Variants in GSE1 observed in about 807,000 individuals in gnomAD.
GSE1 encodes genetic suppressor element 1.
GSE1 carries 32 observed loss-of-function variants against 112.6 expected under a neutral mutation model. The observed-to-expected ratio is 0.28, with a 90% CI of 0.21 to 0.38. The LOEUF is 0.38. Among genes scored for constraint, GSE1 ranks in the 10% least tolerant of loss-of-function variants. The pLI is 1.00. For synonymous variants in GSE1, 1,115 were observed against 735.6 expected, an observed-to-expected ratio of 1.52 and a Z score of -8.35; for missense variants, 2,348 against 1,699.2, an observed-to-expected ratio of 1.38 and a Z score of -6.71.
chr16:85,403,976 G>C (rs144795069), intron 2 of GSE1, among the ~76,000 whole-genome samples: 1 of 151,750 alleles, frequency 6.6e-6, no homozygotes, highest in Non-Finnish European at 1.5e-5. Flanking sequence ...GCTCACTGCA[G>C]CCTTCAGGGC....
chr16:85,623,880 G>C (rs2048895930), intron 1 of GSE1, among the ~76,000 whole-genome samples: 1 of 152,208 alleles, frequency 6.6e-6, no homozygotes, highest in Non-Finnish European at 1.5e-5. Flanking sequence ...TTGGTGTCCA[G>C]CTCCTGTACG....
chr16:85,559,866 A>G (rs952630735), intron 1 of GSE1, among the ~76,000 whole-genome samples: 7 of 152,164 alleles, frequency 4.6e-5, no homozygotes, highest in Non-Finnish European at 7.3e-5. Flanking sequence ...TATAATGGCC[A>G]AGCTGAGTTG....
At chr16:85,308,999 G>C (rs899009282) in intron 1 of GSE1, among the ~76,000 whole-genome samples, 3 of 150,990 alleles carry the variant, frequency 2.0e-5, no homozygotes, top group Admixed American at 6.6e-5. Context: ...AGCCGTGGAG[G>C]CTCCAAAATT....
At chr16:85,492,624 C>G (rs1567533308) in intron 2 of GSE1, among the ~76,000 whole-genome samples, 1 of 152,200 alleles carries the variant, frequency 6.6e-6, no homozygotes, top group Non-Finnish European at 1.5e-5. Context: ...CTCCACAGCT[C>G]CGAAGTGGCA....
In GSE1 at chr16:85,349,360, T is replaced by A. The variant is rs572034774; in HGVS notation, c.2284-8103T>A. ...CTAGCTTGCAGCACAGAACAAGAAATCCCATCAGGGCAGGTTGAGCAGAAT... is the reference window on the plus strand; with the variant it reads ...CTAGCTTGCAGCACAGAACAAGAAAACCCATCAGGGCAGGTTGAGCAGAAT... On this transcript the variant is annotated intron_variant, in intron 1 of 2. Transcript: ENST00000637419. Among the ~76,000 whole-genome samples the A allele has an allele frequency of 3.3e-5, 5 of 152,268 alleles. No individual in the cohort carries two copies. The South Asian group carries it at 1.0e-3, about 32-fold the overall frequency.
At chr16:85,447,402 T>TGGGCAGATGACCTC (rs1419462527) in intron 2 of GSE1, among the ~76,000 whole-genome samples, 11 of 152,322 alleles carry the variant, frequency 7.2e-5, no homozygotes. Flanking sequence ...CACTTGACCT[T>TGGGCAGATGACCTC]GGGCAGATGA....
intron 2 of GSE1, among the ~76,000 whole-genome samples, chr16:85,463,997 G>A (rs1425786026): frequency 6.6e-6 from 1 of 152,270 alleles, no homozygotes; most frequent in African/African-American, 2.4e-5. Context: ...CTGGCCTCAG[G>A]ACTGCTTCTT....
chr16:85,179,130 A>G (rs1304677341), intron 1 of GSE1, among the ~76,000 whole-genome samples: 1 of 151,928 alleles, frequency 6.6e-6, no homozygotes, highest in Admixed American at 6.6e-5. Context: ...CCCCCAAAGG[A>G]CACCCTGTGC....
At chr16:85,365,978 C>T (rs1003563060) in intron 2 of GSE1, among the ~76,000 whole-genome samples, 1 of 152,258 alleles carries the variant, frequency 6.6e-6, no homozygotes, top group East Asian at 1.9e-4. Context: ...GCTTGCCTGG[C>T]ACACGGGAAT....
chr16:85,569,772 T>C lies in GSE1; in HGVS notation c.37+13409T>C, dbSNP rs562216179. On this transcript the variant is annotated intron_variant, in intron 1 of 2. Coordinates refer to the GSE1 transcript ENST00000635906. ...AGTTTACTACACTGTGGCCGTGGCGTGCGTTGGGGAAAGCCTCTGCACTGC... is the reference window on the plus strand; with the variant it reads ...AGTTTACTACACTGTGGCCGTGGCGCGCGTTGGGGAAAGCCTCTGCACTGC... 5.9e-5 allele frequency among the ~76,000 whole-genome samples: 9 copies of C among 152,344 alleles called. No individual in the cohort carries two copies. The South Asian group carries it at 6.2e-4, about 11-fold the overall frequency.
chr16:85,293,051 C>T (rs2045268137), intron 1 of GSE1, among the ~76,000 whole-genome samples: 4 of 152,170 alleles, frequency 2.6e-5, no homozygotes, highest in South Asian at 2.1e-4. Context: ...CCACCGCCAC[C>T]GTGTTGCTGA....
chr16:85,638,717 C>T (rs2050204552), intron 2 of GSE1, among the ~76,000 whole-genome samples: 2 of 150,486 alleles, frequency 1.3e-5, no homozygotes, highest in African/African-American at 4.9e-5. Flanking sequence ...TTCTTGCCAC[C>T]CCCACCTCCT....
At chr16:85,236,269 G>T (rs796900593) in intron 1 of GSE1, among the ~76,000 whole-genome samples, 7 of 152,330 alleles carry the variant, frequency 4.6e-5, no homozygotes, top group African/African-American at 1.7e-4. Flanking sequence ...ACCTTGGCTG[G>T]CCCCCGTGGT....
chr16:85,293,909 G>T (rs1426763700), intron 1 of GSE1, among the ~76,000 whole-genome samples: 1 of 152,186 alleles, frequency 6.6e-6, no homozygotes, highest in South Asian at 2.1e-4. Context: ...ACATCTCAAA[G>T]ACCCACTTTC....
intron 1 of GSE1, among the ~76,000 whole-genome samples, chr16:85,318,267 CT>C (rs2046027315): frequency 1.3e-5 from 2 of 152,098 alleles, no homozygotes; most frequent in Non-Finnish European, 2.9e-5. Flanking sequence ...TTCCTTATCC[CT>C]TTTTTTGGAT....
chr16:85,471,986 G>C (rs775408826), intron 2 of GSE1, among the ~76,000 whole-genome samples: 1 of 152,224 alleles, frequency 6.6e-6, no homozygotes, highest in Non-Finnish European at 1.5e-5. Context: ...GTTGAGGTTT[G>C]GGGCCAGATA....
At chr16:85,329,649 C>T (rs973824468) in intron 1 of GSE1, among the ~76,000 whole-genome samples, 4 of 151,856 alleles carry the variant, frequency 2.6e-5, no homozygotes, top group Non-Finnish European at 5.9e-5. Context: ...GCTCATTAAG[C>T]GCCGGTGTTC....
chr16:85,485,877 G>A (rs2050818760), intron 2 of GSE1, among the ~76,000 whole-genome samples: 1 of 152,160 alleles, frequency 6.6e-6, no homozygotes. Flanking sequence ...GGGAAACACC[G>A]ATGTTCTTCC....
intron 1 of GSE1, among the ~76,000 whole-genome samples, chr16:85,192,564 C>T (rs2074845415): frequency 6.6e-6 from 1 of 152,160 alleles, no homozygotes; most frequent in African/African-American, 2.4e-5. Context: ...CCTTTGTGGA[C>T]CTCATCTGTG....
Sources: allele counts gnomAD v4.1 joint callset (sites outside exome capture counted in the v4.1 genomes callset), GRCh38; gene constraint gnomAD v4.1.1; transcripts MANE v1.5; gene names NCBI Gene and HGNC (gene_info 2026-07-23, HGNC 2026-07-21).